The following FAM53A variants were observed in gnomAD, a reference collection of about 807,000 sequenced individuals.
FAM53A encodes family with sequence similarity 53 member A.
Under a neutral mutation model 26.6 loss-of-function variants are expected in FAM53A, and 28 were observed. The ratio of observed to expected loss-of-function variants is 1.05; its 90% CI spans 0.78 to 1.45. The LOEUF (loss-of-function observed/expected upper bound fraction) is 1.45, where lower values mean the gene tolerates loss of function less well. Among genes scored for constraint, FAM53A ranks in the 40% most tolerant of loss-of-function variants. FAM53A has a pLI of 0.00. For missense variants in FAM53A, 650 were observed against 575.8 expected, an observed-to-expected ratio of 1.13 and a Z score of -1.32; for synonymous variants, 290 against 253.1, an observed-to-expected ratio of 1.15 and a Z score of -1.38.
intron 1 of FAM53A, among the ~76,000 whole-genome samples, chr4:1,624,117 T>G (rs967859097): frequency 5.3e-5 from 8 of 152,212 alleles, no homozygotes; most frequent in African/African-American, 1.9e-4. Context: ...GCCCCCTCCC[T>G]GAGGCATAGA....
rs191317919 is a variant in FAM53A, at chr4:1,646,826, C to A, written c.883-5219G>T. Among the ~76,000 whole-genome samples, 469 of 152,294 alleles carry A rather than the reference C, an allele frequency of 3.1e-3. 2 individuals carry two copies. The highest frequency in any genetic ancestry group is 0.011 in the African/African-American group (449 of 41,552). On this transcript the variant is annotated intron_variant, in intron 4 of 4. Transcript: ENST00000308132. ...TGCAGGGCCACATAGGAAGCTGTTT[C>A]TTTCTCTGCAGCAGCCTCGGTCTCT...
At chr4:1,653,009 TCACACAC>T (rs1412927154) in intron 4 of FAM53A, among the ~76,000 whole-genome samples, 2 of 128,680 alleles carry the variant, frequency 1.6e-5, no homozygotes, top group Non-Finnish European at 3.3e-5. Context: ...CACACACACA[TCACACAC>T]CACACACACT....
At chr4:1,631,399 T>A (rs1276245441) in intron 1 of FAM53A, among the ~76,000 whole-genome samples, 3 of 152,208 alleles carry the variant, frequency 2.0e-5, no homozygotes, top group Non-Finnish European at 4.4e-5. Flanking sequence ...GCCCAGGCCG[T>A]TCCCACACAT....
the FAM53A span, among the ~76,000 whole-genome samples, chr4:1,583,737 G>A: frequency 4.6e-5 from 7 of 152,176 alleles, no homozygotes; most frequent in East Asian, 1.9e-4. Context: ...CGTTCTTGCC[G>A]GCTCATGGGT....
At chr4:1,668,519 A>G in intron 2 of FAM53A, 148 bp downstream of exon 2, 1 of 729,162 alleles carries the variant, frequency 1.4e-6, no homozygotes. Context: ...TGGGGCCCAC[A>G]TGTGCACCAG....
chr4:1,641,614 T>C lies in FAM53A; in HGVS notation c.883-7A>G, dbSNP rs752073555. 1.9e-6 allele frequency: 3 copies of C among 1,613,926 alleles called. No homozygotes were observed. The highest frequency in any genetic ancestry group is 1.7e-5 in the Admixed American group (1 of 59,994). On this transcript the variant is annotated splice_region_variant and splice_polypyrimidine_tract_variant and intron_variant, in intron 4 of 4. Coordinates refer to ENST00000308132, the MANE Select transcript of FAM53A (RefSeq NM_001174070.3). ...TTTTTGAATTTTTTAAAGTCTGCAATAGAAAAGATACGGGCTTAAAGCATT... is the reference window on the plus strand; with the variant it reads ...TTTTTGAATTTTTTAAAGTCTGCAACAGAAAAGATACGGGCTTAAAGCATT...
intron 1 of FAM53A, among the ~76,000 whole-genome samples, chr4:1,624,248 A>C (rs1276484740): frequency 3.3e-5 from 5 of 152,206 alleles, no homozygotes; most frequent in Admixed American, 1.3e-4. Context: ...TCCACTGCCC[A>C]GCACTTCGCA....
At chr4:1,623,689 C>G (rs999960381) in intron 1 of FAM53A, among the ~76,000 whole-genome samples, 2 of 152,244 alleles carry the variant, frequency 1.3e-5, no homozygotes, top group African/African-American at 4.8e-5. Flanking sequence ...GGGAGCCGCG[C>G]GATGCCAGCC....
chr4:1,648,851 G>A (rs1231893156), intron 4 of FAM53A, among the ~76,000 whole-genome samples: 4 of 152,184 alleles, frequency 2.6e-5, no homozygotes, highest in Non-Finnish European at 4.4e-5. Flanking sequence ...GGTGGCTCAC[G>A]CCTGTAATCC....
At chr4:1,581,259 C>G in the FAM53A span, among the ~76,000 whole-genome samples, 1 of 151,062 alleles carries the variant, frequency 6.6e-6, no homozygotes, top group Non-Finnish European at 1.5e-5. Context: ...GGCCCCGCTT[C>G]CCACTCAGAG....
At chr4:1,601,313 GGGACACCAGGCAGC>G in the FAM53A span, among the ~76,000 whole-genome samples, 1 of 70,064 alleles carries the variant, frequency 1.4e-5, no homozygotes, top group Non-Finnish European at 3.8e-5. Flanking sequence ...CCGTACAGTG[GGGACACCAGGCAGC>G]GGCCTCGCCC....
intron 3 of FAM53A, 97 bp from the exon 4 acceptor site, chr4:1,655,820 G>T: frequency 7.3e-7 from 1 of 1,375,130 alleles, no homozygotes; most frequent in Non-Finnish European, 9.5e-7. Flanking sequence ...GCTGTCAAGG[G>T]CACAACCCCA....
At chr4:1,672,024 C>CACCCAGGAACCCATGAAACCAGAT (rs1714695874) in intron 1 of FAM53A, among the ~76,000 whole-genome samples, 1 of 149,804 alleles carries the variant, frequency 6.7e-6, no homozygotes, top group Non-Finnish European at 1.5e-5. Flanking sequence ...TGAACACAGG[C>CACCCAGGAACCCATGAAACCAGAT]ACCCAGGAAC....
At chr4:1,576,969 G>A in the FAM53A span, among the ~76,000 whole-genome samples, 2 of 129,440 alleles carry the variant, frequency 1.5e-5, no homozygotes, top group African/African-American at 2.8e-5. Flanking sequence ...GGGTGCCCCC[G>A]CCCCTCCCTC....
At chr4:1,579,201 C>A in the FAM53A span, among the ~76,000 whole-genome samples, 2 of 143,882 alleles carry the variant, frequency 1.4e-5, no homozygotes, top group Non-Finnish European at 3.1e-5. Flanking sequence ...TGCCCTGGCG[C>A]GCCCCCGCCC....
the FAM53A span, among the ~76,000 whole-genome samples, chr4:1,594,160 C>T: frequency 6.6e-6 from 1 of 152,204 alleles, no homozygotes; most frequent in South Asian, 2.1e-4. Context: ...CGCTTCTGGG[C>T]AGATTCCCTC....
chr4:1,578,822 AGG>A, the FAM53A span, among the ~76,000 whole-genome samples: 1 of 41,484 alleles, frequency 2.4e-5, no homozygotes, highest in African/African-American at 1.0e-4. Flanking sequence ...GGGAGAGAAG[AGG>A]GGGAGGGGAG....
chr4:1,682,652 A>G (rs1577166168), intron 1 of FAM53A, among the ~76,000 whole-genome samples: 1 of 152,120 alleles, frequency 6.6e-6, no homozygotes, highest in African/African-American at 2.4e-5. Context: ...ACCAGCTAAA[A>G]ATGTGTACTC....
rs1264220285 is a variant in FAM53A at position 1,649,177 on chromosome 4, G to GGGAAGA, written c.882+5800_882+5801insTCTTCC. ...GGGGAAAGGGAAGGGGAAAGGGAAAGGGAAGGGGAAGGGGAAGGGGAAAGG... is the reference window on the plus strand; with the variant it reads ...GGGGAAAGGGAAGGGGAAAGGGAAAGGGAAGAGGAAGGGGAAGGGGAAGGGGAAAGG... On this transcript the variant is annotated intron_variant, in intron 4 of 4. Transcript: ENST00000308132. Among the ~76,000 whole-genome samples, 19 of 92,508 alleles carry GGGAAGA rather than the reference G, an allele frequency of 2.1e-4. 1 individual carries two copies. The highest frequency in any genetic ancestry group is 9.6e-4 in the African/African-American group (18 of 18,676). 60.7% of individuals were successfully genotyped at this position (92,508 alleles called of 152,430 possible).
Sources: allele counts gnomAD v4.1 joint callset (sites outside exome capture counted in the v4.1 genomes callset), GRCh38; gene constraint gnomAD v4.1.1; transcripts MANE v1.5; gene names NCBI Gene and HGNC (gene_info 2026-07-23, HGNC 2026-07-21).